The following SPTBN1 variants were observed in gnomAD, a reference collection of about 807,000 sequenced individuals.
SPTBN1 encodes spectrin beta, non-erythrocytic 1.
Under a neutral mutation model 266.4 loss-of-function variants are expected in SPTBN1, and 32 were observed. The observed-to-expected ratio is 0.12, with a 90% CI of 0.09 to 0.16. SPTBN1 has a LOEUF of 0.16. Among genes scored for constraint, SPTBN1 ranks in the 10% least tolerant of loss-of-function variants. The probability of loss-of-function intolerance (pLI) is 1.00; values close to 1 mark genes in which losing one functional copy is unlikely to be tolerated. For missense variants in SPTBN1, 2,296 were observed against 3,067.1 expected, an observed-to-expected ratio of 0.75 and a Z score of 5.94; for synonymous variants, 1,336 against 1,162.2, an observed-to-expected ratio of 1.15 and a Z score of -3.04.
intron 5 of SPTBN1, 73 bp downstream of exon 5, chr2:54,616,371 G>T: frequency 1.6e-6 from 2 of 1,286,174 alleles, no homozygotes; most frequent in Non-Finnish European, 2.2e-6. Context: ...TCACTTAGAA[G>T]GTGTTGACAG....
intron 2 of SPTBN1, among the ~76,000 whole-genome samples, chr2:54,563,980 G>C (rs1213838491): frequency 6.6e-6 from 1 of 152,104 alleles, no homozygotes; most frequent in Admixed American, 6.5e-5. Flanking sequence ...CAGGTTTTCT[G>C]ACTCCAAATT....
chr2:54,505,612 A>G (rs1270984194), intron 1 of SPTBN1, among the ~76,000 whole-genome samples: 2 of 152,060 alleles, frequency 1.3e-5, no homozygotes, highest in African/African-American at 4.8e-5. Context: ...ACTTTTCCCC[A>G]GGGGTCCTAG....
intron 2 of SPTBN1, among the ~76,000 whole-genome samples, chr2:54,555,434 G>C (rs1208823429): frequency 1.3e-5 from 2 of 152,106 alleles, no homozygotes; most frequent in African/African-American, 4.8e-5. Flanking sequence ...CCTTTCCTTT[G>C]ATCCTCCCAC....
intron 3 of SPTBN1, among the ~76,000 whole-genome samples, chr2:54,604,910 A>G (rs1158425951): frequency 2.6e-5 from 4 of 152,224 alleles, no homozygotes; most frequent in African/African-American, 7.2e-5. Context: ...CAGAGCCCCG[A>G]TAGTCACAGG....
At chr2:54,658,828 A>G (rs577791566) in intron 30 of SPTBN1, among the ~76,000 whole-genome samples, 1 of 152,324 alleles carries the variant, frequency 6.6e-6, no homozygotes, top group South Asian at 2.1e-4. Context: ...GGAGTCCAGC[A>G]TGAACCCTCA....
chr2:54,638,471 G>A (rs893402501), intron 18 of SPTBN1, among the ~76,000 whole-genome samples: 1 of 152,242 alleles, frequency 6.6e-6, no homozygotes, highest in African/African-American at 2.4e-5. Flanking sequence ...CATGCAAAGA[G>A]CAGTAATGCT....
intron 18 of SPTBN1, among the ~76,000 whole-genome samples, chr2:54,639,254 C>T (rs1221656743): frequency 2.0e-5 from 3 of 152,174 alleles, no homozygotes; most frequent in East Asian, 1.9e-4. Flanking sequence ...TGCGGTAATA[C>T]CAGTTGCCAT....
Position 54,626,431 on chromosome 2 carries a change from G to A in SPTBN1, c.1644+197G>A, listed in dbSNP as rs986699120. ...ATGAGACGTGAAGTGTGAAAAAGTTGTAGAGACCAGTTCAGTAGCCAGAGC... is the reference window on the plus strand; with the variant it reads ...ATGAGACGTGAAGTGTGAAAAAGTTATAGAGACCAGTTCAGTAGCCAGAGC... On this transcript the variant is annotated intron_variant, in intron 12 of 35. Transcript: ENST00000356805. The surrounding 1 kb of genome is among the most constrained non-coding windows in gnomAD (Gnocchi z 4.7). Among the ~76,000 whole-genome samples, 53 of 152,232 alleles carry A rather than the reference G, an allele frequency of 3.5e-4. 1 individual carries two copies. Among genetic ancestry groups the A allele is most frequent in the Admixed American group, 2.0e-3 (31 of 15,286 alleles).
chr2:54,531,272 C>T lies in SPTBN1; in HGVS notation c.148+4706C>T, dbSNP rs375322884. Among the ~76,000 whole-genome samples, 10 of 152,242 alleles carry T rather than the reference C, an allele frequency of 6.6e-5. No homozygotes were observed. In the East Asian group the frequency reaches 1.7e-3, roughly 26 times the overall value. ...ATGGGGGCAGTCTTGTGGGACCAAGCCCTTTATCCTATGGGATTTAACAAT... is the reference window on the plus strand; with the variant it reads ...ATGGGGGCAGTCTTGTGGGACCAAGTCCTTTATCCTATGGGATTTAACAAT... On this transcript the variant is annotated intron_variant, in intron 2 of 35. Transcript: ENST00000356805.
intron 1 of SPTBN1, among the ~76,000 whole-genome samples, chr2:54,471,676 A>G (rs889358956): frequency 4.6e-5 from 7 of 152,150 alleles, no homozygotes; most frequent in African/African-American, 1.7e-4. Flanking sequence ...GACAAGCACT[A>G]ATGCAGCCTT....
At chr2:54,531,814 G>A (rs377212361) in intron 2 of SPTBN1, among the ~76,000 whole-genome samples, 34 of 152,062 alleles carry the variant, frequency 2.2e-4, no homozygotes, top group African/African-American at 7.5e-4. Flanking sequence ...AAACATCAGC[G>A]TGATGATCAG....
rs1341810118 is a variant in SPTBN1, at chr2:54,629,185, A to G, written c.2051A>G (p.Glu684Gly). The change falls in exon 14 of 36, where the codon GAG (glutamate) becomes GGG (glycine). Residue 684 changes from glutamate (E) to glycine (G), a missense_variant. This residue lies in a region of SPTBN1 where 434 missense variants were observed against 573.9 expected (regional missense o/e 0.76). Transcript: ENST00000356805. ...CTGCTCAGCAAGCACCGGGCGTTCGAGGACGAGATGAGCGGCCGCAGTGGC... is the reference window on the plus strand; with the variant it reads ...CTGCTCAGCAAGCACCGGGCGTTCGGGGACGAGATGAGCGGCCGCAGTGGC... ...MRLLSKHRAF[E>G]DEMSGRSGHF... is the part of the protein sequence containing the mutation. The G allele has an allele frequency of 6.2e-7, 1 of 1,613,534 alleles. No individual in the cohort carries two copies. Among genetic ancestry groups the G allele is most frequent in the Non-Finnish European group, 8.5e-7 (1 of 1,179,952 alleles).
At chr2:54,611,190 C>T (rs140843074) in intron 3 of SPTBN1, among the ~76,000 whole-genome samples, 2 of 152,286 alleles carry the variant, frequency 1.3e-5, no homozygotes, top group African/African-American at 4.8e-5. Context: ...GCATTCATGA[C>T]ATACCTTTTT....
At position 54,629,683 on chromosome 2, in the gene SPTBN1, C is replaced by G. The variant is rs1029360897; in HGVS notation, c.2549C>G (p.Ala850Gly). 6.2e-7 allele frequency: 1 copy of G among 1,613,676 alleles called. No homozygotes were observed. Among genetic ancestry groups the G allele is most frequent in the African/African-American group, 1.3e-5 (1 of 74,948 alleles). Residue 850 changes from alanine (A) to glycine (G), a missense_variant, in exon 14 of 36, where the codon GCC (alanine) becomes GGC (glycine). Transcript: ENST00000356805. ...LRKQALQDTL[A>G]LYKMFSEADA... ...AAGCAGGCACTCCAGGACACTCTGG[C>G]CCTGTACAAGATGTTCAGCGAGGCT...
chr2:54,616,802 T>C (rs529348272), intron 5 of SPTBN1, among the ~76,000 whole-genome samples: 1 of 152,350 alleles, frequency 6.6e-6, no homozygotes, highest in African/African-American at 2.4e-5. Flanking sequence ...CAACTGATGC[T>C]AAGCCTTCGA....
intron 2 of SPTBN1, among the ~76,000 whole-genome samples, chr2:54,591,232 C>T (rs1002806139): frequency 3.3e-5 from 5 of 152,182 alleles, no homozygotes; most frequent in Non-Finnish European, 7.3e-5. Flanking sequence ...CTAATACTCT[C>T]AATTTCAGAT....
intron 2 of SPTBN1, among the ~76,000 whole-genome samples, chr2:54,596,786 T>A (rs926138608): frequency 2.0e-5 from 3 of 152,194 alleles, no homozygotes; most frequent in African/African-American, 7.2e-5. Context: ...TCAGTCTGTT[T>A]CAGCTCTGTT....
intron 1 of SPTBN1, among the ~76,000 whole-genome samples, chr2:54,499,156 C>T (rs1669124353): frequency 7.6e-6 from 1 of 131,658 alleles, no homozygotes; most frequent in African/African-American, 2.9e-5. Flanking sequence ...GATCTGTTCT[C>T]AGATGACAGT....
intron 1 of SPTBN1, among the ~76,000 whole-genome samples, chr2:54,496,115 A>G (rs1280099512): frequency 6.6e-6 from 1 of 151,936 alleles, no homozygotes; most frequent in Non-Finnish European, 1.5e-5. Context: ...AGGAAGATTT[A>G]CTCCCCATAT....
Sources: gnomAD v4.1 joint callset for allele counts (sites outside exome capture counted in the v4.1 genomes callset) on GRCh38, gnomAD v4.1.1 for gene constraint, gnomAD v4.1.1 regional missense constraint, Gnocchi (gnomAD v3.1) non-coding constraint, MANE v1.5 for transcripts, NCBI Gene and HGNC (gene_info 2026-07-23, HGNC 2026-07-21) for gene names.